The following FAM76B variants were observed in gnomAD, a reference collection of about 807,000 sequenced individuals.
FAM76B encodes family with sequence similarity 76 member B.
A neutral mutation model predicts 51.8 loss-of-function variants in FAM76B; 16 were observed. The observed-to-expected ratio is 0.31, with a 90% CI of 0.21 to 0.47. The LOEUF (loss-of-function observed/expected upper bound fraction) is 0.47. Ranked by LOEUF, FAM76B falls within the 20% of genes least tolerant of loss-of-function variation. The pLI is 1.00. For synonymous variants in FAM76B, 166 were observed against 129.5 expected, an observed-to-expected ratio of 1.28 and a Z score of -1.91; for missense variants, 342 against 392.6, an observed-to-expected ratio of 0.87 and a Z score of 1.09.
intron 3 of FAM76B, 34 bp downstream of exon 3, chr11:95,787,590 G>T: frequency 6.3e-7 from 1 of 1,592,874 alleles, no homozygotes; most frequent in Non-Finnish European, 8.6e-7. Flanking sequence ...ATATTAACTG[G>T]TAACAATGAC....
chr11:95,787,772 T>G, intron 2 of FAM76B, 94 bp from the exon 3 acceptor site: 1 of 1,070,222 alleles, frequency 9.3e-7, no homozygotes, highest in Non-Finnish European at 1.4e-6. Context: ...TTTGTTGTAC[T>G]TAAAACTTTA....
chr11:95,779,061 T>C (rs1860137545), intron 7 of FAM76B, 104 bp from the exon 8 acceptor site: 2 of 1,592,670 alleles, frequency 1.3e-6, no homozygotes, highest in Non-Finnish European at 1.7e-6. Flanking sequence ...TTAAGGCTAA[T>C]GCAAAAAAAT....
chr11:95,784,174 A>C (rs1860426522), intron 4 of FAM76B, among the ~76,000 whole-genome samples: 1 of 152,282 alleles, frequency 6.6e-6, no homozygotes, highest in East Asian at 1.9e-4. Context: ...AACCTTAGCA[A>C]ACTGACAAAA....
chr11:95,784,626 C>T (rs907326925), intron 4 of FAM76B, among the ~76,000 whole-genome samples: 4 of 149,320 alleles, frequency 2.7e-5, no homozygotes, highest in African/African-American at 7.4e-5. Flanking sequence ...GAGTCTCTGT[C>T]GCCCAGGCTG....
chr11:95,776,519 T>C (rs1860014955), intron 8 of FAM76B, among the ~76,000 whole-genome samples: 2 of 151,478 alleles, frequency 1.3e-5, no homozygotes, highest in Non-Finnish European at 3.0e-5. Flanking sequence ...TTTTAATTTA[T>C]GTCCAGGATT....
intron 9 of FAM76B, among the ~76,000 whole-genome samples, chr11:95,773,493 A>G (rs1379013792): frequency 2.0e-5 from 3 of 148,636 alleles, no homozygotes; most frequent in Admixed American, 6.7e-5. Context: ...AATTCTTTAC[A>G]GACTCTTAAG....
chr11:95,786,396 T>C (rs935727046), intron 3 of FAM76B, 122 bp from the exon 4 acceptor site: 2 of 1,149,792 alleles, frequency 1.7e-6, no homozygotes, highest in Non-Finnish European at 2.4e-6. Context: ...TTGTTTTCTG[T>C]CAAGTTTGTT....
At chr11:95,783,334 A>C (rs1278881073) in intron 4 of FAM76B, 70 bp from the exon 5 acceptor site, 4 of 1,340,566 alleles carry the variant, frequency 3.0e-6, no homozygotes, top group Non-Finnish European at 3.1e-6. Context: ...GGTAAGATAA[A>C]CCACTCAACT....
intron 8 of FAM76B, among the ~76,000 whole-genome samples, chr11:95,778,468 T>C (rs1316582695): frequency 1.3e-5 from 2 of 151,590 alleles, no homozygotes; most frequent in Admixed American, 1.3e-4. Flanking sequence ...ATGAATGTTA[T>C]ATCAAAGACT....
Position 95,786,101 on chromosome 11 carries a change from A to G in FAM76B, c.363+18T>C. ...TTATTTAATTTCCAGAAGATGTCAT[A>G]ACATAAATAAAGCATACCTTTCTTC... On this transcript the variant is annotated intron_variant, in intron 4 of 9. Transcript: ENST00000358780. 6.3e-7 allele frequency: 1 copy of G among 1,587,610 alleles called. No individual in the cohort carries two copies. The highest frequency in any genetic ancestry group is 8.6e-7 in the Non-Finnish European group (1 of 1,165,272).
At chr11:95,781,254 A>G (rs1047209556) in intron 5 of FAM76B, among the ~76,000 whole-genome samples, 1 of 152,092 alleles carries the variant, frequency 6.6e-6, no homozygotes, top group Non-Finnish European at 1.5e-5. Context: ...GACCCACCTT[A>G]GTGCCACCTG....
At chr11:95,774,187 T>TA (rs1859895077) in intron 9 of FAM76B, among the ~76,000 whole-genome samples, 1 of 151,310 alleles carries the variant, frequency 6.6e-6, no homozygotes, top group Admixed American at 6.6e-5. Flanking sequence ...AAAGTATAGA[T>TA]AAACTGGAGT....
chr11:95,788,579 A>G lies in FAM76B; in HGVS notation c.88-16T>C, dbSNP rs376500246. 5 of 1,605,090 alleles carry G rather than the reference A, an allele frequency of 3.1e-6. No individual in the cohort carries two copies. Among genetic ancestry groups the G allele is most frequent in the Non-Finnish European group, 4.3e-6 (5 of 1,174,112 alleles). The stretch of plus-strand genomic sequence containing the variant: ...TCCGACATTCCTGTAATAAGACAAT[A>G]CATTAGTCAGTATCTTTCTGAAAGT... On this transcript the variant is annotated splice_polypyrimidine_tract_variant and intron_variant, in intron 1 of 9. Coordinates refer to ENST00000358780, the MANE Select transcript of FAM76B (RefSeq NM_144664.5).
At chr11:95,784,452 G>A (rs890968731) in intron 4 of FAM76B, among the ~76,000 whole-genome samples, 7 of 151,960 alleles carry the variant, frequency 4.6e-5, no homozygotes, top group African/African-American at 7.3e-5. Flanking sequence ...GGAAAGCTAC[G>A]AAGGCTGTGA....
Position 95,789,544 on chromosome 11 carries a change from A to T in FAM76B, c.-66T>A. 6.9e-7 allele frequency: 1 copy of T among 1,452,380 alleles called. No homozygotes were observed. Among genetic ancestry groups the T allele is most frequent in the Non-Finnish European group, 9.3e-7 (1 of 1,074,230 alleles). 90.0% of individuals were successfully genotyped at this position (1,452,380 alleles called of 1,614,324 possible). On this transcript the variant is annotated 5_prime_UTR_variant, in exon 1 of 10. Transcript: ENST00000358780. ...GGCGGGGCCCTACGGAGAACCCGAG[A>T]GCCGCCGCCGCCCGGGCCGCGGGCT...
chr11:95,788,879 C>T, intron 1 of FAM76B: 5 of 1,370,808 alleles, frequency 3.6e-6, no homozygotes, highest in Non-Finnish European at 4.8e-6. Context: ...AGACAGCATC[C>T]AGGCTTTAAT....
intron 9 of FAM76B, 37 bp from the exon 10 acceptor site, chr11:95,771,687 T>C (rs759257231): frequency 6.6e-7 from 1 of 1,504,832 alleles, no homozygotes; most frequent in Non-Finnish European, 9.2e-7. Context: ...TAAAAATGTT[T>C]GAAATATTAT....
At chr11:95,782,667 GGTTT>G (rs1275654705) in intron 5 of FAM76B, among the ~76,000 whole-genome samples, 5 of 152,018 alleles carry the variant, frequency 3.3e-5, no homozygotes, top group Non-Finnish European at 7.4e-5. Context: ...CCCAGTCATT[GGTTT>G]GTTTCGATTT....
At chr11:95,774,372 A>G (rs1286962931) in intron 9 of FAM76B, among the ~76,000 whole-genome samples, 7 of 151,426 alleles carry the variant, frequency 4.6e-5, no homozygotes, top group Admixed American at 4.6e-4. Context: ...TTCAATTACC[A>G]AGAGGAGGTA....
Sources: allele counts gnomAD v4.1 joint callset (sites outside exome capture counted in the v4.1 genomes callset), GRCh38; gene constraint gnomAD v4.1.1; transcripts MANE v1.5; gene names NCBI Gene and HGNC (gene_info 2026-07-23, HGNC 2026-07-21).